The following GRIK2 variants were observed in gnomAD, a reference collection of about 807,000 sequenced individuals.
GRIK2 encodes the protein glutamate receptor ionotropic, kainate 2.
A neutral mutation model predicts 100.3 loss-of-function variants in GRIK2; 32 were observed. That is an observed-to-expected ratio of 0.32 (90% CI 0.24 to 0.43). GRIK2 has a LOEUF of 0.43. Among genes scored for constraint, GRIK2 ranks in the 20% least tolerant of loss-of-function variants. The pLI is 1.00. For synonymous variants in GRIK2, 417 were observed against 389.4 expected, an observed-to-expected ratio of 1.07 and a Z score of -0.83; for missense variants, 843 against 1,114.9, an observed-to-expected ratio of 0.76 and a Z score of 3.47.
At chr6:101,882,117 C>T (rs952366645) in intron 11 of GRIK2, among the ~76,000 whole-genome samples, 5 of 152,004 alleles carry the variant, frequency 3.3e-5, no homozygotes, top group African/African-American at 1.2e-4. Context: ...ACTATGAGAA[C>T]AGTATGGGGG....
At chr6:102,032,090 C>G (rs945018873) in intron 14 of GRIK2, among the ~76,000 whole-genome samples, 6 of 151,066 alleles carry the variant, frequency 4.0e-5, no homozygotes, top group Admixed American at 2.0e-4. Flanking sequence ...TTGGGATTAT[C>G]CAAGGGAAAT....
chr6:101,557,539 G>A (rs1373364965), intron 2 of GRIK2, among the ~76,000 whole-genome samples: 3 of 152,062 alleles, frequency 2.0e-5, no homozygotes, highest in Non-Finnish European at 4.4e-5. Context: ...ATAAAGTGGG[G>A]TTTTCTTTTA....
At chr6:101,945,588 C>G (rs1327352387) in intron 14 of GRIK2, among the ~76,000 whole-genome samples, 1 of 152,138 alleles carries the variant, frequency 6.6e-6, no homozygotes, top group Non-Finnish European at 1.5e-5. Context: ...TTAGTAAGCT[C>G]AACACCTTAA....
intron 2 of GRIK2, among the ~76,000 whole-genome samples, chr6:101,581,366 T>C (rs1362534455): frequency 2.0e-5 from 3 of 151,792 alleles, no homozygotes; most frequent in African/African-American, 7.3e-5. Flanking sequence ...CAAGTTGAGG[T>C]CCCACAATAG....
chr6:101,783,852 A>G (rs1348013633), intron 7 of GRIK2, among the ~76,000 whole-genome samples: 1 of 152,192 alleles, frequency 6.6e-6, no homozygotes, highest in Non-Finnish European at 1.5e-5. Flanking sequence ...TATTTAGGGT[A>G]TCTGGTGGGA....
At chr6:101,693,994 G>A (rs1162944982) in intron 7 of GRIK2, among the ~76,000 whole-genome samples, 3 of 151,978 alleles carry the variant, frequency 2.0e-5, no homozygotes, top group Non-Finnish European at 4.4e-5. Flanking sequence ...CAGGAAGGAG[G>A]GCCCCTCAAG....
rs2786242 is a variant in GRIK2, at chr6:101,653,543, T to A, written c.542-23080T>A. Among the ~76,000 whole-genome samples, 257 of 152,270 alleles carry A rather than the reference T, an allele frequency of 1.7e-3. 2 individuals are homozygous for A. The highest frequency in any genetic ancestry group is 6.1e-3 in the African/African-American group (255 of 41,576). ...GTGCATTAAGTTCCCTCTGCCTGAGTATTTTTCTACTCTTTCAAGAGTCAA... is the reference window on the plus strand; with the variant it reads ...GTGCATTAAGTTCCCTCTGCCTGAGAATTTTTCTACTCTTTCAAGAGTCAA... On this transcript the variant is annotated intron_variant, in intron 4 of 16. Coordinates refer to ENST00000369134, the MANE Select transcript of GRIK2 (RefSeq NM_021956.5).
intron 2 of GRIK2, among the ~76,000 whole-genome samples, chr6:101,585,051 A>G (rs1325170207): frequency 6.6e-6 from 1 of 152,010 alleles, no homozygotes; most frequent in Admixed American, 6.6e-5. Context: ...AGAAAAATCC[A>G]ACTCAAATAC....
At chr6:101,543,355 C>G (rs1418950596) in intron 2 of GRIK2, among the ~76,000 whole-genome samples, 1 of 152,140 alleles carries the variant, frequency 6.6e-6, no homozygotes, top group Non-Finnish European at 1.5e-5. Flanking sequence ...TCCCAGTTAA[C>G]AACCTGGAAA....
Position 101,699,448 on chromosome 6 carries a change from A to C in GRIK2, c.951+13095A>C, listed in dbSNP as rs116164413. ...GAGTTAGGACCCCCATATCAGTCAA[A>C]AGCTATTTCCAGATCCAGCTCTTCT... On this transcript the variant is annotated intron_variant, in intron 7 of 16. Transcript: ENST00000369134. Among the ~76,000 whole-genome samples, 1,254 of 152,148 alleles carry C rather than the reference A, an allele frequency of 8.2e-3. 15 individuals are homozygous for C. Among genetic ancestry groups the C allele is most frequent in the African/African-American group, 0.027 (1,122 of 41,522 alleles).
intron 2 of GRIK2, among the ~76,000 whole-genome samples, chr6:101,570,112 T>A (rs1406545088): frequency 6.6e-6 from 1 of 152,070 alleles, no homozygotes; most frequent in Non-Finnish European, 1.5e-5. Context: ...GTGCAGTGGG[T>A]GAGAGAGCAG....
intron 2 of GRIK2, among the ~76,000 whole-genome samples, chr6:101,502,425 G>T (rs576325331): frequency 6.6e-6 from 1 of 151,838 alleles, no homozygotes; most frequent in African/African-American, 2.4e-5. Flanking sequence ...AATGAATCTT[G>T]GTGTATGTAG....
At chr6:101,492,817 A>G (rs1325798168) in intron 2 of GRIK2, among the ~76,000 whole-genome samples, 1 of 152,042 alleles carries the variant, frequency 6.6e-6, no homozygotes, top group African/African-American at 2.4e-5. Flanking sequence ...CAAATTCTGG[A>G]ATCAGACCTT....
chr6:101,558,086 C>T (rs565298245), intron 2 of GRIK2, among the ~76,000 whole-genome samples: 3 of 152,288 alleles, frequency 2.0e-5, no homozygotes, highest in African/African-American at 4.8e-5. Flanking sequence ...GGCTTCTACC[C>T]ACAGCACTAA....
At chr6:101,454,112 C>A (rs1056117154) in intron 2 of GRIK2, among the ~76,000 whole-genome samples, 15 of 152,082 alleles carry the variant, frequency 9.9e-5, no homozygotes, top group Non-Finnish European at 8.8e-5. Flanking sequence ...GCCGATTTTC[C>A]TGTTGCCTCC....
rs367926395 is a variant in GRIK2 at position 102,064,389 on chromosome 6, TTCTC to T, written c.2563-3945_2563-3942del. ...TTCTTTCTTTCTTTCTTTCTTTCCT[TTCTC>T]TCTCTCTCTCTCCCTCCCTCCTTTC... On this transcript the variant is annotated intron_variant, in intron 16 of 16. Transcript: ENST00000369134. Among the ~76,000 whole-genome samples the T allele has an allele frequency of 9.1e-4, 125 of 136,962 alleles. 1 individual carries two copies. In the South Asian group the frequency reaches 0.013, roughly 14 times the overall value. The allele number at this position is 136,962 out of a possible 152,430, so 89.9% of individuals were successfully genotyped here. A position where few individuals can be genotyped will look rare whatever the true frequency, so the allele number is the denominator to read the frequency against.
rs1157640683 is a variant in GRIK2, at chr6:101,755,161, G to GTTT, written c.952-44466_952-44464dup. On this transcript the variant is annotated intron_variant, in intron 7 of 16. Coordinates refer to ENST00000369134, the MANE Select transcript of GRIK2 (RefSeq NM_021956.5). ...TCATTTCTTTTCTTTTTTCTTTTTGGTTTTTTTTTTTTTTTTTTTTTTTGA... is the reference window on the plus strand; with the variant it reads ...TCATTTCTTTTCTTTTTTCTTTTTGGTTTTTTTTTTTTTTTTTTTTTTTTTTGA... Among the ~76,000 whole-genome samples the GTTT allele has an allele frequency of 5.8e-3, 594 of 102,932 alleles. 5 individuals are homozygous for GTTT. Among genetic ancestry groups the GTTT allele is most frequent in the Non-Finnish European group, 6.9e-3 (379 of 54,734 alleles). 67.5% of individuals were successfully genotyped at this position (102,932 alleles called of 152,430 possible).
rs72495330 is a variant in GRIK2, at chr6:101,571,583, C to A, written c.116-50366C>A. Among the ~76,000 whole-genome samples, 37 of 152,100 alleles carry A rather than the reference C, an allele frequency of 2.4e-4. No individual in the cohort carries two copies. In the East Asian group the frequency reaches 6.9e-3, roughly 29 times the overall value. On this transcript the variant is annotated intron_variant, in intron 2 of 16. Transcript: ENST00000369134. Reference sequence around the variant, plus strand: ...ATTTCCCTTTACTTCTCCAAAATATCTAGTGATTCTGGCCTGGAAATGCTT... The same window carrying A: ...ATTTCCCTTTACTTCTCCAAAATATATAGTGATTCTGGCCTGGAAATGCTT...
intron 2 of GRIK2, among the ~76,000 whole-genome samples, chr6:101,576,733 C>A (rs1777807318): frequency 6.6e-6 from 1 of 151,954 alleles, no homozygotes. Flanking sequence ...ATATGTATTA[C>A]TTTTCTGTGT....
Sources: allele counts gnomAD v4.1 joint callset (sites outside exome capture counted in the v4.1 genomes callset), GRCh38; gene constraint gnomAD v4.1.1; transcripts MANE v1.5; gene names NCBI Gene and HGNC (gene_info 2026-07-23, HGNC 2026-07-21).